Variants in ADAM32 observed in about 807,000 individuals in gnomAD.
ADAM32 encodes the protein disintegrin and metalloproteinase domain-containing protein 32.
ADAM32 carries 89 observed loss-of-function variants against 114.9 expected under a neutral mutation model. The ratio of observed to expected loss-of-function variants is 0.77; its 90% CI spans 0.65 to 0.92. The LOEUF is 0.92. Ranked by LOEUF, ADAM32 falls within the 40% of genes least tolerant of loss-of-function variation. ADAM32 has a pLI of 0.00. For missense variants in ADAM32, 870 were observed against 932.8 expected, an observed-to-expected ratio of 0.93 and a Z score of 0.88; for synonymous variants, 285 against 307.5, an observed-to-expected ratio of 0.93 and a Z score of 0.77.
At chr8:39,192,779 A>T (rs1015640762) in intron 11 of ADAM32, among the ~76,000 whole-genome samples, 7 of 152,132 alleles carry the variant, frequency 4.6e-5, no homozygotes, top group African/African-American at 1.4e-4. Flanking sequence ...TATGAAGCTT[A>T]GTTTGGCCAA....
intron 14 of ADAM32, among the ~76,000 whole-genome samples, chr8:39,225,508 C>G (rs1311279686): frequency 6.6e-6 from 1 of 152,196 alleles, no homozygotes; most frequent in Admixed American, 6.5e-5. Context: ...GGAATGCCCT[C>G]AAACCAGACC....
chr8:39,271,539 CA>C (rs5891057), intron 20 of ADAM32, among the ~76,000 whole-genome samples: 49,179 of 128,786 alleles, frequency 0.38, 8,717 homozygotes, highest in South Asian at 0.5. Context: ...TGAAAAACCT[CA>C]AAAAAAAAAA....
chr8:39,174,274 G>C (rs1295378878), intron 10 of ADAM32, among the ~76,000 whole-genome samples: 1 of 152,170 alleles, frequency 6.6e-6, no homozygotes, highest in African/African-American at 2.4e-5. Context: ...GATGGTTGTA[G>C]GTGTGTGGTC....
At chr8:39,160,868 G>C in intron 6 of ADAM32, 29 bp from the exon 7 acceptor site, 7 of 1,526,568 alleles carry the variant, frequency 4.6e-6, no homozygotes, top group Non-Finnish European at 6.2e-6. Flanking sequence ...AATTTTTCAT[G>C]TATTATATGC....
intron 6 of ADAM32, 127 bp downstream of exon 6, chr8:39,151,675 CTTTT>C: frequency 4.1e-5 from 18 of 435,378 alleles, no homozygotes; most frequent in African/African-American, 4.5e-5. Flanking sequence ...AACATCTTAT[CTTTT>C]TTTTTTTTTT....
chr8:39,115,808 C>T lies in ADAM32; in HGVS notation c.59-2278C>T, dbSNP rs142163197. On this transcript the variant is annotated intron_variant, in intron 1 of 24. Transcript: ENST00000379907. ...GCTTTTGGAGTCTTCATCATGAAAC[C>T]TTTGCCAAGACAAAGATGTCTAGAA... is the stretch of plus-strand genomic sequence containing the variant. Among the ~76,000 whole-genome samples the T allele has an allele frequency of 2.0e-3, 301 of 152,226 alleles. 1 individual carries two copies. Among genetic ancestry groups the T allele is most frequent in the African/African-American group, 6.4e-3 (268 of 41,560 alleles).
chr8:39,176,462 G>T (rs1473444349), intron 10 of ADAM32, among the ~76,000 whole-genome samples: 3 of 152,182 alleles, frequency 2.0e-5, no homozygotes, highest in Non-Finnish European at 4.4e-5. Flanking sequence ...TCCTTTGGGA[G>T]CAGGTTGTTC....
rs555622927 is a variant in ADAM32 at position 39,283,934 on chromosome 8, C to T, written c.2357+310C>T. 1.8e-3 allele frequency among the ~76,000 whole-genome samples: 278 copies of T among 152,168 alleles called. 1 individual carries two copies. Among genetic ancestry groups the T allele is most frequent in the African/African-American group, 6.4e-3 (264 of 41,540 alleles). On this transcript the variant is annotated intron_variant, in intron 24 of 24. Coordinates refer to ENST00000379907, the MANE Select transcript of ADAM32 (RefSeq NM_145004.7). Reference sequence around the variant, plus strand: ...GATTACAGGCGTGTGCCGCCATGCCCGCCTAATTTTTGTATTTTTAGTACA... The same window carrying T: ...GATTACAGGCGTGTGCCGCCATGCCTGCCTAATTTTTGTATTTTTAGTACA...
intron 1 of ADAM32, among the ~76,000 whole-genome samples, chr8:39,115,669 T>C (rs1459664771): frequency 6.6e-6 from 1 of 152,028 alleles, no homozygotes; most frequent in Non-Finnish European, 1.5e-5. Context: ...AGTTTGTTGA[T>C]ATTTTCTGCA....
chr8:39,223,291 C>A, intron 14 of ADAM32, 53 bp downstream of exon 14: 1 of 1,243,760 alleles, frequency 8.0e-7, no homozygotes, highest in East Asian at 2.8e-5. Flanking sequence ...ATTAACATTA[C>A]CAGGATAATG....
At chr8:39,184,166 CA>C (rs1806079169) in intron 10 of ADAM32, among the ~76,000 whole-genome samples, 1 of 152,176 alleles carries the variant, frequency 6.6e-6, no homozygotes, top group South Asian at 2.1e-4. Context: ...GGCAAACAAA[CA>C]AGTTAAATGA....
At chr8:39,273,551 A>G (rs1812878575) in intron 20 of ADAM32, among the ~76,000 whole-genome samples, 1 of 151,946 alleles carries the variant, frequency 6.6e-6, no homozygotes, top group South Asian at 2.1e-4. Flanking sequence ...CAAACAAACA[A>G]AAGGATAGGA....
At chr8:39,252,757 T>C (rs1811384530) in intron 17 of ADAM32, among the ~76,000 whole-genome samples, 1 of 151,586 alleles carries the variant, frequency 6.6e-6, no homozygotes, top group African/African-American at 2.4e-5. Flanking sequence ...GTCACAGAAA[T>C]TTTTTAAGAA....
intron 6 of ADAM32, chr8:39,157,849 C>A: frequency 1.5e-6 from 1 of 653,306 alleles, no homozygotes; most frequent in Non-Finnish European, 2.6e-6. Context: ...AATTTGCCAT[C>A]CTTGATGAAG....
At chr8:39,179,709 C>T (rs1805731943) in intron 10 of ADAM32, among the ~76,000 whole-genome samples, 1 of 152,116 alleles carries the variant, frequency 6.6e-6, no homozygotes, top group African/African-American at 2.4e-5. Context: ...TGGCTCCATG[C>T]CACTCCTGGG....
Position 39,249,733 on chromosome 8 carries a change from C to T in ADAM32, c.1902+3567C>T, listed in dbSNP as rs1811166350. 2.6e-5 allele frequency among the ~76,000 whole-genome samples: 4 copies of T among 152,134 alleles called. No homozygotes were observed. In the South Asian group the frequency reaches 8.3e-4, roughly 32 times the overall value. ...AATACTATTCTTTTTATGTAAATAA[C>T]ATTTGCTGACCTTTGTGATTATCAT... is the stretch of plus-strand genomic sequence containing the variant. On this transcript the variant is annotated intron_variant, in intron 17 of 24. Coordinates refer to ENST00000379907, the MANE Select transcript of ADAM32 (RefSeq NM_145004.7).
chr8:39,172,364 G>A (rs1380300889), intron 10 of ADAM32, among the ~76,000 whole-genome samples: 2 of 152,084 alleles, frequency 1.3e-5, no homozygotes, highest in Non-Finnish European at 2.9e-5. Flanking sequence ...TACATATGCA[G>A]GATGTGTAGG....
At chr8:39,177,057 C>T (rs1805574601) in intron 10 of ADAM32, among the ~76,000 whole-genome samples, 1 of 146,328 alleles carries the variant, frequency 6.8e-6, no homozygotes. Context: ...TTCTTCATCT[C>T]CTCCTTTTTT....
chr8:39,250,481 T>C (rs1052443892), intron 17 of ADAM32, among the ~76,000 whole-genome samples: 3 of 152,060 alleles, frequency 2.0e-5, no homozygotes, highest in African/African-American at 4.8e-5. Context: ...TGTTCTTACA[T>C]GTAGTCTACT....
Sources: gnomAD v4.1 joint callset for allele counts (sites outside exome capture counted in the v4.1 genomes callset) on GRCh38, gnomAD v4.1.1 for gene constraint, MANE v1.5 for transcripts, NCBI Gene and HGNC (gene_info 2026-07-23, HGNC 2026-07-21) for gene names.